Variants in PTH2R observed in about 807,000 individuals in gnomAD.
PTH2R encodes the protein parathyroid hormone 2 receptor, also known as PTH2 receptor.
PTH2R carries 59 observed loss-of-function variants against 60.3 expected under a neutral mutation model. The observed-to-expected ratio is 0.98, with a 90% confidence interval of 0.79 to 1.22. The LOEUF (loss-of-function observed/expected upper bound fraction) is 1.22, where lower values mean the gene tolerates loss of function less well. Ranked by LOEUF, PTH2R falls within the 50% of genes most tolerant of loss-of-function variation. The probability of loss-of-function intolerance (pLI) is 0.00; values close to 1 mark genes in which losing one functional copy is unlikely to be tolerated. For missense variants in PTH2R, 749 were observed against 682.6 expected, an observed-to-expected ratio of 1.10 and a Z score of -1.08; for synonymous variants, 256 against 243.8, an observed-to-expected ratio of 1.05 and a Z score of -0.47.
chr2:208,453,202 T>C (rs1013705664), intron 8 of PTH2R, among the ~76,000 whole-genome samples: 2 of 152,224 alleles, frequency 1.3e-5, no homozygotes, highest in Non-Finnish European at 2.9e-5. Context: ...TCACCTACCA[T>C]TAACTTTTCA....
chr2:208,493,739 G>T lies in PTH2R; in HGVS notation c.*80G>T. ...GGGCTTGGCTGATACTCCTATGCTT[G>T]AGTTCAAAGGCTGAAAATTCAGTTA... On this transcript the variant is annotated 3_prime_UTR_variant, in exon 13 of 13. Coordinates refer to ENST00000272847, the MANE Select transcript of PTH2R (RefSeq NM_005048.4). The T allele has an allele frequency of 7.0e-7, 1 of 1,419,572 alleles. No individual in the cohort carries two copies. The highest frequency in any genetic ancestry group is 9.4e-7 in the Non-Finnish European group (1 of 1,067,250). 87.9% of individuals were successfully genotyped at this position (1,419,572 alleles called of 1,614,324 possible).
chr2:208,388,844 G>A (rs904189158), intron 1 of PTH2R, among the ~76,000 whole-genome samples: 1 of 152,172 alleles, frequency 6.6e-6, no homozygotes, highest in Admixed American at 6.5e-5. Context: ...CTATCCCTAG[G>A]AAGTTTAAAG....
intron 1 of PTH2R, among the ~76,000 whole-genome samples, chr2:208,372,987 G>A (rs12617089): frequency 0.38 from 57,133 of 151,970 alleles, 11,366 homozygotes; most frequent in East Asian, 0.54. Flanking sequence ...TTGGGAGGCC[G>A]AGGTGGGAGG....
intron 1 of PTH2R, among the ~76,000 whole-genome samples, chr2:208,420,258 A>G (rs1041493288): frequency 6.6e-6 from 1 of 152,108 alleles, no homozygotes; most frequent in African/African-American, 2.4e-5. Flanking sequence ...CACATTGTGC[A>G]CATGTACCCT....
intron 2 of PTH2R, 44 bp downstream of exon 2, chr2:208,428,347 G>C: frequency 7.3e-7 from 1 of 1,369,424 alleles, no homozygotes; most frequent in Non-Finnish European, 1.0e-6. Context: ...CCTCCTATCT[G>C]TTCTTATAAA....
At chr2:208,468,593 G>A (rs1199191827) in intron 9 of PTH2R, among the ~76,000 whole-genome samples, 1 of 152,136 alleles carries the variant, frequency 6.6e-6, no homozygotes, top group African/African-American at 2.4e-5. Context: ...TTTTCTCAGG[G>A]CTGTTCTACA....
rs781508992 is a variant in PTH2R, at chr2:208,450,719, T to C, written c.854-30T>C. 3 of 1,609,350 alleles carry C rather than the reference T, an allele frequency of 1.9e-6. No individual in the cohort carries two copies. In the South Asian group the frequency reaches 3.3e-5, roughly 18 times the overall value. On this transcript the variant is annotated intron_variant, in intron 7 of 12. Transcript: ENST00000272847. ...AAAACCTCCTTAATCTTAAAATAAA[T>C]CTAGTCTCTGAATCATTTTCTGATT...
At chr2:208,376,417 T>C (rs535433127) in intron 1 of PTH2R, among the ~76,000 whole-genome samples, 8 of 152,250 alleles carry the variant, frequency 5.3e-5, no homozygotes, top group Non-Finnish European at 1.0e-4. Context: ...ATAAATAACA[T>C]CTGGGTTGGC....
At chr2:208,491,797 A>G (rs561853958) in intron 12 of PTH2R, among the ~76,000 whole-genome samples, 18 of 152,050 alleles carry the variant, frequency 1.2e-4, no homozygotes, top group Non-Finnish European at 2.4e-4. Flanking sequence ...GTGGTTACCC[A>G]AGAGACTTTC....
chr2:208,401,624 G>A (rs1701311118), intron 1 of PTH2R, among the ~76,000 whole-genome samples: 1 of 152,028 alleles, frequency 6.6e-6, no homozygotes, highest in Non-Finnish European at 1.5e-5. Context: ...CACACCTGCT[G>A]TTTTAGAATC....
At position 208,396,617 on chromosome 2, in the gene PTH2R, T is replaced by C. The variant is rs527754751; in HGVS notation, c.-258-31584T>C. Among the ~76,000 whole-genome samples the C allele has an allele frequency of 3.3e-5, 5 of 152,252 alleles. No individual in the cohort carries two copies. The East Asian group carries it at 7.7e-4, about 24-fold the overall frequency. On this transcript the variant is annotated intron_variant, in intron 1 of 12. Coordinates refer to the PTH2R transcript ENST00000617735. ...AAAACCACAATGAGATACCATCTCATGCCAGTTAGAATGGCGATCATTAAA... is the reference window on the plus strand; with the variant it reads ...AAAACCACAATGAGATACCATCTCACGCCAGTTAGAATGGCGATCATTAAA...
At chr2:208,415,545 A>G (rs535714955) in intron 1 of PTH2R, among the ~76,000 whole-genome samples, 1 of 152,334 alleles carries the variant, frequency 6.6e-6, no homozygotes, top group East Asian at 1.9e-4. Context: ...TCAAAATAAG[A>G]AGAGAAAAAT....
rs1216984750 is a variant in PTH2R at position 208,377,499 on chromosome 2, C to T, written c.-259+17262C>T. ...GGATGGGGCGGCGGCTGGGTGGAGGCGGGCCCCCACCTCCCTCCCAGACGG... is the reference window on the plus strand; with the variant it reads ...GGATGGGGCGGCGGCTGGGTGGAGGTGGGCCCCCACCTCCCTCCCAGACGG... On this transcript the variant is annotated intron_variant, in intron 1 of 12. Coordinates refer to the PTH2R transcript ENST00000617735. Among the ~76,000 whole-genome samples, 13 of 147,146 alleles carry T rather than the reference C, an allele frequency of 8.8e-5. No homozygotes were observed. In the East Asian group the frequency reaches 1.0e-3, roughly 12 times the overall value.
chr2:208,389,249 C>G (rs1038567378), intron 1 of PTH2R, among the ~76,000 whole-genome samples: 2 of 151,814 alleles, frequency 1.3e-5, no homozygotes, highest in African/African-American at 4.8e-5. Flanking sequence ...CACACACACA[C>G]ACACACACAC....
chr2:208,396,622 G>A (rs1300850964), intron 1 of PTH2R, among the ~76,000 whole-genome samples: 6 of 152,192 alleles, frequency 3.9e-5, no homozygotes, highest in Non-Finnish European at 5.9e-5. Flanking sequence ...TCTCATGCCA[G>A]TTAGAATGGC....
intron 7 of PTH2R, among the ~76,000 whole-genome samples, chr2:208,447,802 T>C (rs964853043): frequency 6.6e-5 from 10 of 152,130 alleles, no homozygotes; most frequent in Non-Finnish European, 1.5e-4. Flanking sequence ...AACTGTTTCT[T>C]TTCATTCAAC....
At chr2:208,473,416 A>G (rs2105898831) in intron 9 of PTH2R, among the ~76,000 whole-genome samples, 1 of 152,340 alleles carries the variant, frequency 6.6e-6, no homozygotes, top group Non-Finnish European at 1.5e-5. Context: ...TAATATCAAT[A>G]TGGCAAAATC....
At chr2:208,454,960 G>C (rs1702481244) in intron 8 of PTH2R, among the ~76,000 whole-genome samples, 1 of 152,102 alleles carries the variant, frequency 6.6e-6, no homozygotes, top group Non-Finnish European at 1.5e-5. Flanking sequence ...CTGAAAATTA[G>C]AACTGTACAG....
In PTH2R at chr2:208,481,095, CG is replaced by C. The variant is rs772010036; in HGVS notation, c.1009del (p.Val337LeufsTer4). 1 of 1,608,690 alleles carries C rather than the reference CG, an allele frequency of 6.2e-7. No individual in the cohort carries two copies. On this transcript the variant is annotated frameshift_variant, in exon 10 of 13. Coordinates refer to ENST00000272847, the MANE Select transcript of PTH2R (RefSeq NM_005048.4). LOFTEE classifies it high-confidence loss of function. ...CTGAATTTTATTCTGTTTCTGAATA[CG>C]GTTAGAGTTCTAGCTACCAAAATCT... is the stretch of plus-strand genomic sequence containing the variant. Reference protein sequence around the residue: ...IGLNFILFLNTVRVLATKIWE... With the variant: ...IGLNFILFLNXVRVLATKIWE...
Sources: allele counts gnomAD v4.1 joint callset (sites outside exome capture counted in the v4.1 genomes callset), GRCh38; gene constraint gnomAD v4.1.1; transcripts MANE v1.5; gene names NCBI Gene and HGNC (gene_info 2026-07-23, HGNC 2026-07-21).